Variants in KLHL4 observed in about 807,000 individuals in gnomAD.
The protein encoded by KLHL4 is kelch like family member 4.
A neutral mutation model predicts 45.8 loss-of-function variants in KLHL4; 17 were observed. The ratio of observed to expected loss-of-function variants is 0.37; its 90% CI spans 0.25 to 0.56. The LOEUF (loss-of-function observed/expected upper bound fraction) is 0.56. KLHL4 is among the 20% of genes least tolerant of loss of function. The pLI is 0.79. For synonymous variants in KLHL4, 224 were observed against 189.9 expected (o/e 1.18, Z -1.47); for missense variants, 544 against 544.9 (o/e 1.00, Z 0.02).
At chrX:87,643,831 G>A (rs192460085) in intron 9 of KLHL4, among the ~76,000 whole-genome samples, 4 of 111,795 alleles carry the variant, frequency 3.6e-5, no homozygotes, top group Non-Finnish European at 1.9e-5. Flanking sequence ...TGCAGAAAAA[G>A]CATTTGACGA....
Position 87,667,264 on chromosome X carries a change from C to A in KLHL4, c.*730C>A. On this transcript the variant is annotated 3_prime_UTR_variant, in exon 11 of 11. Coordinates refer to ENST00000373119, the MANE Select transcript of KLHL4 (RefSeq NM_019117.5). ...TGTAATTTCATATACACAGTCTATA[C>A]AATGAAATAATGAATATTTATCATA... 1 of 719,085 alleles carries A rather than the reference C, an allele frequency of 1.4e-6. No individual in the cohort carries two copies. Among genetic ancestry groups the A allele is most frequent in the Non-Finnish European group, 1.6e-6 (1 of 607,478 alleles). The allele number at this position is 719,085 out of a possible 1,213,427, so 59.3% of individuals were successfully genotyped here.
chrX:87,627,078 C>A (rs1470669259), intron 6 of KLHL4, among the ~76,000 whole-genome samples: 1 of 111,639 alleles, frequency 9.0e-6, no homozygotes, highest in East Asian at 2.8e-4. Context: ...AATTATTTAT[C>A]GTTCCATCTG....
chrX:87,636,447 G>T (rs772688891), intron 9 of KLHL4, among the ~76,000 whole-genome samples: 1 of 111,658 alleles, frequency 9.0e-6, no homozygotes, highest in Non-Finnish European at 1.9e-5. Context: ...AAGAACTACC[G>T]CAGGAACATA....
chrX:87,653,120 C>G (rs1923873383), intron 9 of KLHL4, among the ~76,000 whole-genome samples: 1 of 111,646 alleles, frequency 9.0e-6, no homozygotes, highest in African/African-American at 3.3e-5. Flanking sequence ...GGGTCTTTCC[C>G]ACAACACGTG....
chrX:87,586,125 A>C (rs1037016152), intron 1 of KLHL4, among the ~76,000 whole-genome samples: 1 of 111,540 alleles, frequency 9.0e-6, no homozygotes, highest in African/African-American at 3.3e-5. Flanking sequence ...CAGATACATA[A>C]AACAAATATT....
intron 1 of KLHL4, among the ~76,000 whole-genome samples, chrX:87,542,791 A>G (rs1931590533): frequency 8.9e-6 from 1 of 112,039 alleles, no homozygotes; most frequent in Non-Finnish European, 1.9e-5. Flanking sequence ...TAATGCTAGA[A>G]TGAGTTAAGA....
intron 1 of KLHL4, among the ~76,000 whole-genome samples, chrX:87,612,904 C>A (rs1322656799): frequency 9.0e-6 from 1 of 111,299 alleles, no homozygotes; most frequent in African/African-American, 3.3e-5. Context: ...AGAAATTGTT[C>A]TTTTCCAGAA....
At chrX:87,600,868 AT>A (rs1267906984) in intron 1 of KLHL4, among the ~76,000 whole-genome samples, 9 of 111,809 alleles carry the variant, frequency 8.0e-5, no homozygotes, top group African/African-American at 9.8e-5. Context: ...CACAGTTTTT[AT>A]TTTTTCATTA....
At chrX:87,647,671 T>C (rs1047808486) in intron 9 of KLHL4, among the ~76,000 whole-genome samples, 5 of 111,321 alleles carry the variant, frequency 4.5e-5, no homozygotes, top group Non-Finnish European at 9.4e-5. Flanking sequence ...AAGTGGGAGC[T>C]AAACTATGAG....
At chrX:87,519,312 T>C (rs1930955620) in intron 1 of KLHL4, among the ~76,000 whole-genome samples, 1 of 112,060 alleles carries the variant, frequency 8.9e-6, no homozygotes, top group Non-Finnish European at 1.9e-5. Context: ...CCTGGATATC[T>C]GGCATACTAT....
intron 5 of KLHL4, among the ~76,000 whole-genome samples, chrX:87,625,222 C>T (rs1460634712): frequency 8.9e-6 from 1 of 112,241 alleles, no homozygotes; most frequent in Non-Finnish European, 1.9e-5. Context: ...TAGTTATTTT[C>T]CTTGATAAGT....
At position 87,613,865 on chromosome X, in the gene KLHL4, C is replaced by T. The variant is rs766832656; in HGVS notation, c.423-12C>T. On this transcript the variant is annotated splice_polypyrimidine_tract_variant and intron_variant, in intron 1 of 10. Transcript: ENST00000373119. ...ATGATGAACCATATTCTCATCCTTA[C>T]TTCCTTTTCAGATTAGATACACAAC... is the stretch of plus-strand genomic sequence containing the variant. 2.6e-6 allele frequency: 3 copies of T among 1,143,501 alleles called. No individual in the cohort carries two copies. The Admixed American group carries it at 8.0e-5, about 30-fold the overall frequency. The allele number at this position is 1,143,501 out of a possible 1,213,427, so 94.2% of individuals were successfully genotyped here.
intron 9 of KLHL4, among the ~76,000 whole-genome samples, chrX:87,645,235 G>C (rs1324118868): frequency 9.0e-6 from 1 of 111,662 alleles, no homozygotes; most frequent in East Asian, 2.8e-4. Context: ...CAAAAAGTGG[G>C]CTAAGGAAAT....
intron 1 of KLHL4, among the ~76,000 whole-genome samples, chrX:87,559,415 G>A (rs942412801): frequency 2.7e-5 from 3 of 111,324 alleles, no homozygotes; most frequent in Non-Finnish European, 1.9e-5. Flanking sequence ...TTTGAGCTTT[G>A]TATCTTCCCA....
chrX:87,541,718 C>T (rs766523028), intron 1 of KLHL4, among the ~76,000 whole-genome samples: 2 of 110,765 alleles, frequency 1.8e-5, no homozygotes, highest in South Asian at 7.6e-4. Flanking sequence ...TGGACCAATG[C>T]AGATAATTTG....
chrX:87,518,673 G>A (rs1365182063), intron 1 of KLHL4, among the ~76,000 whole-genome samples: 1 of 111,847 alleles, frequency 8.9e-6, no homozygotes, highest in Non-Finnish European at 1.9e-5. Flanking sequence ...GAATCACGGA[G>A]AACTCTTTCT....
At chrX:87,538,634 G>C (rs1420426519) in intron 1 of KLHL4, among the ~76,000 whole-genome samples, 3 of 111,366 alleles carry the variant, frequency 2.7e-5, no homozygotes, top group Non-Finnish European at 5.7e-5. Flanking sequence ...TTTTATTAGA[G>C]CTTTATTTTG....
chrX:87,530,494 C>A (rs1370240114), intron 1 of KLHL4, among the ~76,000 whole-genome samples: 1 of 91,338 alleles, frequency 1.1e-5, no homozygotes, highest in East Asian at 3.8e-4. Context: ...TTGTTCAATT[C>A]CCACCTATGA....
intron 1 of KLHL4, among the ~76,000 whole-genome samples, chrX:87,543,368 C>T (rs1421139121): frequency 9.0e-6 from 1 of 111,412 alleles, no homozygotes; most frequent in Non-Finnish European, 1.9e-5. Flanking sequence ...CAACTATATA[C>T]ACCCAAAAAA....
Sources: allele counts gnomAD v4.1 joint callset (sites outside exome capture counted in the v4.1 genomes callset), GRCh38; gene constraint gnomAD v4.1.1; transcripts MANE v1.5; gene names NCBI Gene and HGNC (gene_info 2026-07-23, HGNC 2026-07-21).